The following WDR73 variants were observed in gnomAD, a reference collection of about 807,000 sequenced individuals.
The protein encoded by WDR73 is integrator complex assembly factor WDR73.
WDR73 carries 30 observed loss-of-function variants against 38.2 expected under a neutral mutation model. The observed-to-expected ratio is 0.79, with a 90% confidence interval of 0.59 to 1.06. The LOEUF is 1.06. Among genes scored for constraint, WDR73 ranks in the 50% least tolerant of loss-of-function variants. WDR73 has a pLI of 0.00. For missense variants in WDR73, 487 were observed against 467.0 expected, an observed-to-expected ratio of 1.04 and a Z score of -0.40; for synonymous variants, 197 against 176.0, an observed-to-expected ratio of 1.12 and a Z score of -0.94.
chr15:84,648,361 C>A, intron 4 of WDR73, 176 bp downstream of exon 4: 1 of 604,050 alleles, frequency 1.7e-6, no homozygotes, highest in Non-Finnish European at 2.9e-6. Context: ...GAAGCCACAG[C>A]AGTGGTTTCT....
rs1285475074 is a variant in WDR73 at position 84,645,628 on chromosome 15, G to A, written c.726C>T (p.Ala242=). The part of the protein sequence containing the change: ...SWGQGPGPSI[A]SLGSDGRLCL... ...AAAGACGCCCATCTGAGCCAAGGCTGGCAATGCTGGGCCCAGGGCCCTGGC... is the reference window on the plus strand; with the variant it reads ...AAAGACGCCCATCTGAGCCAAGGCTAGCAATGCTGGGCCCAGGGCCCTGGC... Residue 242 remains alanine (A), a synonymous_variant, in exon 7 of 8, where the codon GCC becomes GCT. Transcript: ENST00000434634. 1 of 1,608,488 alleles carries A rather than the reference G, an allele frequency of 6.2e-7. No individual in the cohort carries two copies. The highest frequency in any genetic ancestry group is 8.5e-7 in the Non-Finnish European group (1 of 1,177,570).
chr15:84,646,701 C>T (rs1596051705), intron 5 of WDR73: 1 of 206,118 alleles, frequency 4.9e-6, no homozygotes, highest in Non-Finnish European at 1.0e-5. Context: ...CCTTCAGCGA[C>T]AAGAAACAGG....
At position 84,645,771 on chromosome 15, in the gene WDR73, A is replaced by C. The variant is rs747802093; in HGVS notation, c.583T>G (p.Cys195Gly). ...ACAAGCCCCAGCCGGCCTGAAGCAC[A>C]GCAGAAGGCAAAGGTGTCTGCATCT... ...VLDADTFAFC[C>G]ASGRLGLVDT... Residue 195 changes from cysteine (C) to glycine (G), a missense_variant, in exon 7 of 8, where the codon TGT becomes GGT. By Grantham distance (159) the Cys-to-Gly change is radical (BLOSUM62 -3). Coordinates refer to ENST00000434634, the MANE Select transcript of WDR73 (RefSeq NM_032856.5). 6.8e-6 allele frequency: 11 copies of C among 1,613,396 alleles called. No homozygotes were observed. The highest frequency in any genetic ancestry group is 9.3e-6 in the Non-Finnish European group (11 of 1,179,652).
At chr15:84,643,861 C>G in intron 7 of WDR73, 138 bp from the exon 8 acceptor site, 1 of 1,031,090 alleles carries the variant, frequency 9.7e-7, no homozygotes, top group South Asian at 2.0e-5. Flanking sequence ...AAGCGATCCT[C>G]CCATCTCAGC....
chr15:84,646,475 G>A (rs1304819767), intron 5 of WDR73, 127 bp from the exon 6 acceptor site: 5 of 1,418,174 alleles, frequency 3.5e-6, no homozygotes, highest in Admixed American at 2.5e-5. Flanking sequence ...GCTGGCAAGA[G>A]ATGATGTTGA....
At chr15:84,653,467 G>C in intron 2 of WDR73, 165 bp downstream of exon 2, 2 of 574,998 alleles carry the variant, frequency 3.5e-6, no homozygotes, top group Non-Finnish European at 6.3e-6. Flanking sequence ...ACTGCTCCCG[G>C]TCAGAGATCT....
At chr15:84,648,865 C>T (rs1481547050) in intron 3 of WDR73, among the ~76,000 whole-genome samples, 2 of 152,166 alleles carry the variant, frequency 1.3e-5, no homozygotes, top group Non-Finnish European at 2.9e-5. Context: ...CCTTTTACTA[C>T]AGCACAAGCA....
In WDR73 at chr15:84,646,440, G is replaced by C. The variant is rs141019313; in HGVS notation, c.353-92C>G. The C allele has an allele frequency of 4.3e-5, 64 of 1,501,938 alleles. No homozygotes were observed. In the African/African-American group the frequency reaches 6.0e-4, roughly 14 times the overall value. 93.0% of individuals were successfully genotyped at this position (1,501,938 alleles called of 1,614,324 possible). A position where few individuals can be genotyped will look rare whatever the true frequency, so the allele number is the denominator to read the frequency against. ...GCTGTCTTCCCCTGTACATTTAGAA[G>C]ATCAAGGAAGAAAAGGAGCTGCCGG... On this transcript the variant is annotated intron_variant, in intron 5 of 7. Coordinates refer to ENST00000434634, the MANE Select transcript of WDR73 (RefSeq NM_032856.5).
chr15:84,648,328 G>T, intron 4 of WDR73: 1 of 590,524 alleles, frequency 1.7e-6, no homozygotes, highest in Non-Finnish European at 3.0e-6. Context: ...ACTTACATTA[G>T]TCCAAGGGCT....
rs542321622 is a variant in WDR73, at chr15:84,642,323, G to C, written c.*1147C>G. Reference sequence around the variant, plus strand: ...CCACTGCACTCAAGCCTGGGTGACAGAGCAAGACTCCATCTCTACTACAAA... The same window carrying C: ...CCACTGCACTCAAGCCTGGGTGACACAGCAAGACTCCATCTCTACTACAAA... On this transcript the variant is annotated 3_prime_UTR_variant, in exon 8 of 8. Transcript: ENST00000434634. 1.4e-5 allele frequency: 2 copies of C among 143,690 alleles called. No homozygotes were observed. Among genetic ancestry groups the C allele is most frequent in the East Asian group, 4.1e-4 (2 of 4,922 alleles). The allele number at this position is 143,690 out of a possible 1,614,324, so 8.9% of individuals were successfully genotyped here.
chr15:84,649,925 T>C (rs1044009713), intron 3 of WDR73, among the ~76,000 whole-genome samples: 10 of 152,292 alleles, frequency 6.6e-5, no homozygotes, highest in Admixed American at 5.9e-4. Flanking sequence ...TTGGCATTTT[T>C]CCTAAGCTTT....
At chr15:84,654,103 A>G (rs1265962386) in intron 1 of WDR73, 131 bp downstream of exon 1, 13 of 1,239,032 alleles carry the variant, frequency 1.0e-5, no homozygotes, top group African/African-American at 1.5e-5. Context: ...GGAGTCCTCC[A>G]CGGTGGCGAG....
Position 84,643,645 on chromosome 15 carries a change from A to G in WDR73, c.962T>C (p.Val321Ala). 1.9e-6 allele frequency: 3 copies of G among 1,612,222 alleles called. No individual in the cohort carries two copies. The highest frequency in any genetic ancestry group is 2.5e-6 in the Non-Finnish European group (3 of 1,179,134). The change falls in exon 8 of 8, where the codon GTA becomes GCA. Residue 321 changes from valine (V) to alanine (A), a missense_variant. Coordinates refer to ENST00000434634, the MANE Select transcript of WDR73 (RefSeq NM_032856.5). Reference protein sequence around the residue: ...TRSQDGTRSQVEPLFTHRGHI... With the variant: ...TRSQDGTRSQAEPLFTHRGHI... ...ACCTCTGTGAGTGAAGAGAGGTTCTACTTGGCTCCGTGTTCCATCTTGGCT... is the reference window on the plus strand; with the variant it reads ...ACCTCTGTGAGTGAAGAGAGGTTCTGCTTGGCTCCGTGTTCCATCTTGGCT...
intron 4 of WDR73, 31 bp from the exon 5 acceptor site, chr15:84,647,985 C>G: frequency 6.2e-7 from 1 of 1,607,942 alleles, no homozygotes; most frequent in Non-Finnish European, 8.5e-7. Context: ...CAGTCCAGAC[C>G]ATGGGGAGCT....
At chr15:84,652,143 G>A (rs549971964) in intron 3 of WDR73, among the ~76,000 whole-genome samples, 1 of 152,330 alleles carries the variant, frequency 6.6e-6, no homozygotes, top group South Asian at 2.1e-4. Context: ...TGGGATTACA[G>A]GCGTAAGCCA....
At chr15:84,650,792 C>T (rs1896598980) in intron 3 of WDR73, among the ~76,000 whole-genome samples, 1 of 152,088 alleles carries the variant, frequency 6.6e-6, no homozygotes, top group Admixed American at 6.5e-5. Flanking sequence ...TGAGTCACCG[C>T]ACTCGGATTG....
At chr15:84,652,657 C>G (rs1251452688) in intron 3 of WDR73, 57 bp downstream of exon 3, 28 of 1,106,368 alleles carry the variant, frequency 2.5e-5, no homozygotes, top group Non-Finnish European at 3.6e-5. Context: ...AGGAGCTCCA[C>G]AAATGTTTAA....
rs1896297457 is a variant in WDR73 at position 84,642,623 on chromosome 15, C to T, written c.*847G>A. On this transcript the variant is annotated 3_prime_UTR_variant, in exon 8 of 8. Transcript: ENST00000434634. Reference sequence around the variant, plus strand: ...CTGGGACTGCAGGCTCATACCACCACAACCAGCTAACTTGTATTTTTAGTA... The same window carrying T: ...CTGGGACTGCAGGCTCATACCACCATAACCAGCTAACTTGTATTTTTAGTA... 1 of 152,010 alleles carries T rather than the reference C, an allele frequency of 6.6e-6. No homozygotes were observed. Among genetic ancestry groups the T allele is most frequent in the African/African-American group, 2.4e-5 (1 of 41,330 alleles). The allele number at this position is 152,010 out of a possible 1,614,324, so 9.4% of individuals were successfully genotyped here. A position where few individuals can be genotyped will look rare whatever the true frequency, so the allele number is the denominator to read the frequency against.
intron 5 of WDR73, 101 bp downstream of exon 5, chr15:84,647,789 C>G: frequency 8.3e-7 from 1 of 1,201,342 alleles, no homozygotes; most frequent in Non-Finnish European, 1.2e-6. Context: ...GAGACTGTCC[C>G]CAGCCTGAGT....
Sources: allele counts gnomAD v4.1 joint callset (sites outside exome capture counted in the v4.1 genomes callset), GRCh38; gene constraint gnomAD v4.1.1; transcripts MANE v1.5; gene names NCBI Gene and HGNC (gene_info 2026-07-23, HGNC 2026-07-21).